The following DUSP13B variants were observed in gnomAD, a reference collection of about 807,000 sequenced individuals.
DUSP13B encodes the protein dual specificity protein phosphatase 13B.
At chr10:75,098,267 G>A in the DUSP13B span, among the ~76,000 whole-genome samples, 4 of 152,220 alleles carry the variant, frequency 2.6e-5, no homozygotes, top group Non-Finnish European at 5.9e-5. Context: ...TGGCTCTCAG[G>A]GCACCCAGGA....
the DUSP13B span, chr10:75,094,585 T>G: frequency 9.8e-6 from 14 of 1,434,954 alleles, no homozygotes; most frequent in Non-Finnish European, 1.3e-5. Context: ...TGTTTACATC[T>G]CAGGGTCACT....
the DUSP13B span, among the ~76,000 whole-genome samples, chr10:75,096,198 T>C: frequency 6.6e-6 from 1 of 152,062 alleles, no homozygotes; most frequent in Admixed American, 6.5e-5. Flanking sequence ...GAGGTTGCAG[T>C]GAGCCAAGAT....
the DUSP13B span, chr10:75,095,802 G>A: frequency 1.2e-6 from 2 of 1,613,794 alleles, no homozygotes; most frequent in South Asian, 1.1e-5. Context: ...GTACCTGGAG[G>A]AGAGGGCACA....
chr10:75,097,754 T>C, the DUSP13B span: 5 of 1,613,250 alleles, frequency 3.1e-6, no homozygotes, highest in African/African-American at 4.0e-5. Flanking sequence ...ATCGATATGG[T>C]TCAGTGTGGC....
At chr10:75,101,052 G>A in the DUSP13B span, among the ~76,000 whole-genome samples, 1 of 152,258 alleles carries the variant, frequency 6.6e-6, no homozygotes, top group Admixed American at 6.5e-5. Flanking sequence ...AGGCCATGTG[G>A]GGCTGGAGAT....
the DUSP13B span, chr10:75,094,628 G>A: frequency 1.3e-6 from 2 of 1,598,852 alleles, no homozygotes; most frequent in South Asian, 1.1e-5. Context: ...CCCAGGGCCA[G>A]GCTGGTGGGG....
At chr10:75,109,068 T>G in the DUSP13B span, 1 of 1,612,476 alleles carries the variant, frequency 6.2e-7, no homozygotes, top group Non-Finnish European at 8.5e-7. Flanking sequence ...AAGACTTCCC[T>G]GCCCGCAGGA....
At chr10:75,105,895 C>A in the DUSP13B span, 1 of 1,540,668 alleles carries the variant, frequency 6.5e-7, no homozygotes, top group Non-Finnish European at 8.8e-7. Context: ...GGTGAAAAAC[C>A]CTGTCCCACA....
chr10:75,109,174 C>G, the DUSP13B span: 3 of 1,556,158 alleles, frequency 1.9e-6, no homozygotes, highest in Non-Finnish European at 2.6e-6. Context: ...GCCCGCCCAC[C>G]CCTCTGCCTC....
At chr10:75,099,521 C>T in the DUSP13B span, 4 of 1,231,768 alleles carry the variant, frequency 3.2e-6, no homozygotes, top group African/African-American at 4.7e-5. Flanking sequence ...CTGCCCAGAA[C>T]ACAAACACTG....
chr10:75,105,611 C>T, the DUSP13B span: 1 of 1,489,922 alleles, frequency 6.7e-7, no homozygotes, highest in Non-Finnish European at 9.1e-7. Context: ...TAGGCCCTCA[C>T]CTGGCCTCTT....
chr10:75,103,831 G>A, the DUSP13B span: 1 of 1,218,822 alleles, frequency 8.2e-7, no homozygotes. Flanking sequence ...CACTTTCCCA[G>A]GGAACTTGGG....
chr10:75,098,204 T>G, the DUSP13B span, among the ~76,000 whole-genome samples: 1 of 152,180 alleles, frequency 6.6e-6, no homozygotes, highest in African/African-American at 2.4e-5. Flanking sequence ...TCAGTGCAGA[T>G]CTCATCCCTA....
chr10:75,100,184 C>T, the DUSP13B span, among the ~76,000 whole-genome samples: 1 of 152,162 alleles, frequency 6.6e-6, no homozygotes, highest in African/African-American at 2.4e-5. Context: ...GGCTCCACCC[C>T]CAGGAGGCTC....
the DUSP13B span, chr10:75,097,837 C>T: frequency 2.9e-5 from 47 of 1,613,322 alleles, no homozygotes; most frequent in African/African-American, 5.6e-4. Flanking sequence ...CCTGGACTGC[C>T]CCATGGATCT....
At chr10:75,099,697 A>C in the DUSP13B span, 1 of 431,098 alleles carries the variant, frequency 2.3e-6, no homozygotes. Flanking sequence ...GGTTCCATAA[A>C]CCTCCATGAA....
At chr10:75,094,900 C>A in the DUSP13B span, 1 of 1,610,158 alleles carries the variant, frequency 6.2e-7, no homozygotes, top group Non-Finnish European at 8.5e-7. Context: ...ACCAACTTAG[C>A]ATCAGCTACC....
chr10:75,107,987 C>T, the DUSP13B span: 1 of 1,609,250 alleles, frequency 6.2e-7, no homozygotes, highest in Non-Finnish European at 8.5e-7. Flanking sequence ...GACCCCAAGT[C>T]CTACCCCCAG....
chr10:75,095,591 G>T, the DUSP13B span: 4 of 1,614,004 alleles, frequency 2.5e-6, no homozygotes, highest in Non-Finnish European at 3.4e-6. Context: ...GAACACTGAG[G>T]GCAGCTCGGA....
Sources: gnomAD v4.1 joint callset for allele counts (sites outside exome capture counted in the v4.1 genomes callset) on GRCh38, gnomAD v4.1.1 for gene constraint, MANE v1.5 for transcripts, NCBI Gene and HGNC (gene_info 2026-07-23, HGNC 2026-07-21) for gene names.